Variants in PDE4D observed in about 807,000 individuals in gnomAD.
PDE4D encodes phosphodiesterase 4D.
PDE4D carries 24 observed loss-of-function variants against 87.4 expected under a neutral mutation model. The observed-to-expected ratio is 0.27, with a 90% CI of 0.20 to 0.39. The LOEUF is 0.39. PDE4D is among the 10% of genes least tolerant of loss of function. The pLI is 1.00. For synonymous variants in PDE4D, 384 were observed against 383.2 expected, an observed-to-expected ratio of 1.00 and a Z score of -0.02; for missense variants, 714 against 1,041.0, an observed-to-expected ratio of 0.69 and a Z score of 4.32.
intron 1 of PDE4D, among the ~76,000 whole-genome samples, chr5:59,608,910 ATC>A (rs1044898235): frequency 1.9e-4 from 29 of 152,042 alleles, no homozygotes; most frequent in African/African-American, 7.0e-4. Flanking sequence ...TGTCTCTCTC[ATC>A]TCTCACTCTG....
chr5:60,515,617 T>C (rs1750766105), intron 1 of PDE4D, among the ~76,000 whole-genome samples: 1 of 149,542 alleles, frequency 6.7e-6, no homozygotes, highest in African/African-American at 2.5e-5. Flanking sequence ...TTTTTTTTTT[T>C]TTCTGTCAGG....
chr5:60,330,041 T>TA lies in PDE4D; in HGVS notation c.-89-144355dup, dbSNP rs11310440. 5.4e-4 allele frequency among the ~76,000 whole-genome samples: 82 copies of TA among 152,016 alleles called. 1 individual carries two copies. The highest frequency in any genetic ancestry group is 4.8e-3 in the South Asian group (23 of 4,818). The stretch of plus-strand genomic sequence containing the variant: ...CAGTAACAAATAGTTCTAAATGAGA[T>TA]AAAAAAAGTCACTCTGGGAGGGTAC... On this transcript the variant is annotated intron_variant, in intron 1 of 16. Transcript: ENST00000502484.
At chr5:59,108,212 G>A (rs1020663319) in intron 5 of PDE4D, among the ~76,000 whole-genome samples, 13 of 152,114 alleles carry the variant, frequency 8.5e-5, no homozygotes, top group Non-Finnish European at 1.8e-4. Flanking sequence ...AAACCCAACT[G>A]GAGATTCAGA....
intron 1 of PDE4D, among the ~76,000 whole-genome samples, chr5:59,774,652 G>C (rs1333738170): frequency 6.6e-6 from 1 of 151,338 alleles, no homozygotes; most frequent in Non-Finnish European, 1.5e-5. Context: ...ACATTTTATA[G>C]GGCACAACTT....
chr5:60,152,450 G>A (rs1378623039), intron 2 of PDE4D, among the ~76,000 whole-genome samples: 3 of 151,922 alleles, frequency 2.0e-5, no homozygotes, highest in African/African-American at 7.3e-5. Context: ...TCAGGAGATC[G>A]AGACCATCCT....
At chr5:59,384,039 C>A (rs545842464) in intron 1 of PDE4D, among the ~76,000 whole-genome samples, 1 of 151,366 alleles carries the variant, frequency 6.6e-6, no homozygotes, top group Admixed American at 6.6e-5. Flanking sequence ...CAGGCCCATG[C>A]CACCACACCT....
At chr5:59,949,913 C>A (rs1385286859) in intron 3 of PDE4D, among the ~76,000 whole-genome samples, 1 of 152,088 alleles carries the variant, frequency 6.6e-6, no homozygotes, top group African/African-American at 2.4e-5. Context: ...TGAAACAAAG[C>A]AAATCCACTT....
intron 2 of PDE4D, among the ~76,000 whole-genome samples, chr5:60,089,604 A>G (rs1193024588): frequency 6.6e-6 from 1 of 152,008 alleles, no homozygotes; most frequent in Non-Finnish European, 1.5e-5. Context: ...AAGACTTCAA[A>G]CAAACAACCT....
At chr5:60,102,094 AT>A (rs1313010764) in intron 2 of PDE4D, among the ~76,000 whole-genome samples, 1 of 152,212 alleles carries the variant, frequency 6.6e-6, no homozygotes, top group Non-Finnish European at 1.5e-5. Context: ...GAAATTAAAA[AT>A]AATTAATTTT....
chr5:60,308,964 C>T (rs776022614), intron 1 of PDE4D, among the ~76,000 whole-genome samples: 1 of 151,984 alleles, frequency 6.6e-6, no homozygotes, highest in Non-Finnish European at 1.5e-5. Flanking sequence ...CAGATTACAA[C>T]CAAGTAGAAT....
At chr5:59,450,168 T>C (rs779751814) in intron 1 of PDE4D, among the ~76,000 whole-genome samples, 1 of 152,250 alleles carries the variant, frequency 6.6e-6, no homozygotes, top group Non-Finnish European at 1.5e-5. Context: ...CTGATTAGCA[T>C]TTTTAAGGCA....
intron 1 of PDE4D, among the ~76,000 whole-genome samples, chr5:59,407,370 C>A (rs536567347): frequency 6.6e-6 from 1 of 152,292 alleles, no homozygotes; most frequent in African/African-American, 2.4e-5. Flanking sequence ...TGCAGAACTG[C>A]AAGCCAGTTA....
At chr5:59,934,233 C>CAA (rs1234669296) in intron 3 of PDE4D, among the ~76,000 whole-genome samples, 39 of 152,160 alleles carry the variant, frequency 2.6e-4, no homozygotes. Flanking sequence ...TCTCAAAGCG[C>CAA]TGGAAAGTTT....
chr5:59,181,260 T>C (rs1741467172), intron 4 of PDE4D, among the ~76,000 whole-genome samples: 1 of 151,940 alleles, frequency 6.6e-6, no homozygotes, highest in Non-Finnish European at 1.5e-5. Context: ...ATATCTTGTG[T>C]TCTCTAAGTT....
At chr5:59,098,584 G>T (rs1189595901) in intron 5 of PDE4D, among the ~76,000 whole-genome samples, 1 of 150,968 alleles carries the variant, frequency 6.6e-6, no homozygotes, top group Non-Finnish European at 1.5e-5. Flanking sequence ...TGCACCTGTG[G>T]TTCCAGCTAC....
intron 2 of PDE4D, among the ~76,000 whole-genome samples, chr5:60,069,286 T>C (rs1036692522): frequency 2.0e-5 from 3 of 152,170 alleles, no homozygotes; most frequent in African/African-American, 7.2e-5. Flanking sequence ...GGAGACTTCA[T>C]GAATAAAAGA....
intron 1 of PDE4D, among the ~76,000 whole-genome samples, chr5:59,363,841 A>G (rs1054542035): frequency 1.3e-5 from 2 of 152,164 alleles, no homozygotes; most frequent in African/African-American, 4.8e-5. Context: ...GGCTGCAAGT[A>G]GGGGCTGAGT....
At chr5:59,856,458 A>G (rs1233791326) in intron 1 of PDE4D, among the ~76,000 whole-genome samples, 2 of 152,184 alleles carry the variant, frequency 1.3e-5, no homozygotes, top group African/African-American at 2.4e-5. Context: ...TCTCCCACAC[A>G]TCAATGGAAA....
intron 1 of PDE4D, among the ~76,000 whole-genome samples, chr5:59,311,763 G>C (rs1772698903): frequency 6.6e-6 from 1 of 152,090 alleles, no homozygotes; most frequent in Non-Finnish European, 1.5e-5. Context: ...TCTCCGGCTA[G>C]ACCTTTTCTG....
Sources: gnomAD v4.1 joint callset for allele counts (sites outside exome capture counted in the v4.1 genomes callset) on GRCh38, gnomAD v4.1.1 for gene constraint, MANE v1.5 for transcripts, NCBI Gene and HGNC (gene_info 2026-07-23, HGNC 2026-07-21) for gene names.